The following INVS variants were observed in gnomAD, a reference collection of about 807,000 sequenced individuals.
INVS encodes the protein inversion of embryo turning homolog.
Under a neutral mutation model 108.8 loss-of-function variants are expected in INVS, and 86 were observed. That is an observed-to-expected ratio of 0.79 (90% CI 0.66 to 0.95). INVS has a LOEUF of 0.95. Among genes scored for constraint, INVS ranks in the 40% least tolerant of loss-of-function variants. The probability of loss-of-function intolerance (pLI) is 0.00; values close to 1 mark genes in which losing one functional copy is unlikely to be tolerated. For synonymous variants in INVS, 455 were observed against 473.5 expected (o/e 0.96, Z 0.51); for missense variants, 1,169 against 1,297.4 (o/e 0.90, Z 1.52).
At chr9:100,298,440 C>A (rs1833854726) in intron 16 of INVS, 2 of 549,942 alleles carry the variant, frequency 3.6e-6, no homozygotes, top group Non-Finnish European at 2.3e-6. Flanking sequence ...GCTGTGCGTG[C>A]TTTCCCTCAT....
intron 3 of INVS, among the ~76,000 whole-genome samples, chr9:100,176,586 C>T (rs559440438): frequency 6.6e-6 from 1 of 152,200 alleles, no homozygotes; most frequent in East Asian, 1.9e-4. Flanking sequence ...ATGTGATTCT[C>T]CTGCCTCAGC....
At chr9:100,214,148 A>G (rs1347339251) in intron 3 of INVS, among the ~76,000 whole-genome samples, 5 of 152,216 alleles carry the variant, frequency 3.3e-5, no homozygotes, top group Admixed American at 6.5e-5. Context: ...ATTGGTATCA[A>G]CTATGTCCCT....
At chr9:100,154,403 T>G (rs934278388) in intron 3 of INVS, among the ~76,000 whole-genome samples, 1 of 136,164 alleles carries the variant, frequency 7.3e-6, no homozygotes, top group Non-Finnish European at 1.5e-5. Context: ...AGTCTCAAAC[T>G]TGGGCTCAAG....
At position 100,221,562 on chromosome 9, in the gene INVS, C is replaced by T. The variant is rs553419056; in HGVS notation, c.274-4500C>T. Among the ~76,000 whole-genome samples the T allele has an allele frequency of 4.4e-4, 65 of 148,434 alleles. 1 individual carries two copies. Among genetic ancestry groups the T allele is most frequent in the Admixed American group, 2.5e-3 (38 of 15,050 alleles). ...TTCATAGATAATATCTGATGGGTCT[C>T]TGTCATTTGAAATAGGAGATGCTGG... On this transcript the variant is annotated intron_variant, in intron 3 of 16. Coordinates refer to ENST00000262457, the MANE Select transcript of INVS (RefSeq NM_014425.5).
intron 3 of INVS, among the ~76,000 whole-genome samples, chr9:100,165,857 T>G (rs1829348078): frequency 6.6e-6 from 1 of 152,152 alleles, no homozygotes; most frequent in Non-Finnish European, 1.5e-5. Flanking sequence ...GTTTTAGACC[T>G]GGAATCAGCT....
chr9:100,273,198 C>T (rs1389646410), intron 12 of INVS, 122 bp downstream of exon 12: 1 of 767,336 alleles, frequency 1.3e-6, no homozygotes, highest in African/African-American at 1.7e-5. Context: ...ACTGTTGGTC[C>T]CTGCAACCGG....
chr9:100,142,344 G>C (rs567663517), intron 3 of INVS, among the ~76,000 whole-genome samples: 172 of 152,292 alleles, frequency 1.1e-3, no homozygotes, highest in Non-Finnish European at 2.0e-3. Flanking sequence ...GTAGTGGAGG[G>C]GGGCAGAGCG....
At chr9:100,148,125 G>A (rs1828684379) in intron 3 of INVS, among the ~76,000 whole-genome samples, 1 of 151,934 alleles carries the variant, frequency 6.6e-6, no homozygotes, top group South Asian at 2.1e-4. Flanking sequence ...AGTGAGCTAT[G>A]ATTGTGCCAC....
In INVS at chr9:100,242,547, T is replaced by C. The variant is rs192533062; in HGVS notation, c.797-23T>C. On this transcript the variant is annotated intron_variant, in intron 6 of 16. Coordinates refer to ENST00000262457, the MANE Select transcript of INVS (RefSeq NM_014425.5). ...ATTAACATCCTTTATAAGTGATAATTACCTTTTTGTGTCTTTTCTCAGGCC... is the reference window on the plus strand; with the variant it reads ...ATTAACATCCTTTATAAGTGATAATCACCTTTTTGTGTCTTTTCTCAGGCC... 10 of 1,212,160 alleles carry C rather than the reference T, an allele frequency of 8.2e-6. No homozygotes were observed. The East Asian group carries it at 2.3e-4, about 28-fold the overall frequency. 75.1% of individuals were successfully genotyped at this position (1,212,160 alleles called of 1,614,324 possible).
At chr9:100,241,025 A>G (rs1831854003) in intron 6 of INVS, among the ~76,000 whole-genome samples, 1 of 152,124 alleles carries the variant, frequency 6.6e-6, no homozygotes, top group African/African-American at 2.4e-5. Context: ...ATTGATTCCC[A>G]CCTATTTAAG....
At position 100,301,001 on chromosome 9, in the gene INVS, C is replaced by T. The variant is rs544585836; in HGVS notation, c.*327C>T. ...TAACAGCAAAATCTAAGGAAAACTA[C>T]GGCTGCTGGGTTGGGATTTCTGCCA... On this transcript the variant is annotated 3_prime_UTR_variant, in exon 17 of 17. Transcript: ENST00000262457. 3.5e-5 allele frequency: 11 copies of T among 310,690 alleles called. No individual in the cohort carries two copies. In the East Asian group the frequency reaches 4.6e-4, roughly 13 times the overall value. The allele number at this position is 310,690 out of a possible 1,614,324, so 19.2% of individuals were successfully genotyped here. A position where few individuals can be genotyped will look rare whatever the true frequency, so the allele number is the denominator to read the frequency against.
At chr9:100,210,582 C>CA (rs1351261873) in intron 3 of INVS, among the ~76,000 whole-genome samples, 1 of 152,140 alleles carries the variant, frequency 6.6e-6, no homozygotes, top group Non-Finnish European at 1.5e-5. Flanking sequence ...TTGGGGAAGT[C>CA]ACAAGGAATG....
In INVS at chr9:100,292,919, A is replaced by T. The variant is rs773893211; in HGVS notation, c.2662A>T (p.Ser888Cys). The change falls in exon 14 of 17, where the codon AGT becomes TGT. Residue 888 changes from serine to cysteine, a missense_variant. Physicochemically the swap from Ser to Cys is moderately radical, Grantham distance 112 (BLOSUM62 -1). Transcript: ENST00000262457. ...AGCACCTGGTCCCCTCTCTGGGCAGAGTGTGAATATTGACCTTCTCCCCGT... is the reference window on the plus strand; with the variant it reads ...AGCACCTGGTCCCCTCTCTGGGCAGTGTGTGAATATTGACCTTCTCCCCGT... ...DPAPGPLSGQ[S>C]VNIDLLPVEL... 1.2e-6 allele frequency: 2 copies of T among 1,614,004 alleles called. No homozygotes were observed. The highest frequency in any genetic ancestry group is 1.7e-6 in the Non-Finnish European group (2 of 1,179,860).
At chr9:100,257,912 C>G (rs562925954) in intron 10 of INVS, among the ~76,000 whole-genome samples, 185 of 152,282 alleles carry the variant, frequency 1.2e-3, no homozygotes, top group African/African-American at 4.3e-3. Flanking sequence ...CGAGGAGTAT[C>G]TTTGTGGCAT....
intron 11 of INVS, among the ~76,000 whole-genome samples, chr9:100,271,148 C>A (rs986973942): frequency 1.4e-4 from 22 of 152,282 alleles, no homozygotes; most frequent in African/African-American, 5.3e-4. Flanking sequence ...TTTCCTCCCC[C>A]AGAGGCATCA....
intron 11 of INVS, among the ~76,000 whole-genome samples, chr9:100,269,371 AT>A (rs11352238): frequency 0.18 from 27,019 of 152,028 alleles, 2,828 homozygotes; most frequent in African/African-American, 0.29. Flanking sequence ...TTGTAGCAAA[AT>A]TTTTTTTAAT....
At chr9:100,273,164 G>C in intron 12 of INVS, 88 bp downstream of exon 12, 1 of 951,828 alleles carries the variant, frequency 1.1e-6, no homozygotes, top group Non-Finnish European at 1.7e-6. Flanking sequence ...GGCCAGGAGA[G>C]GGAAACAGAT....
At chr9:100,205,403 T>A (rs1024110176) in intron 3 of INVS, among the ~76,000 whole-genome samples, 1 of 152,120 alleles carries the variant, frequency 6.6e-6, no homozygotes, top group Non-Finnish European at 1.5e-5. Context: ...ATAAAATGTA[T>A]TTGAAAAATA....
In INVS at chr9:100,272,914, A is replaced by G. The variant is rs779026810; in HGVS notation, c.1622A>G (p.Gln541Arg). The G allele has an allele frequency of 1.9e-6, 3 of 1,614,078 alleles. No individual in the cohort carries two copies. The South Asian group carries it at 3.3e-5, about 18-fold the overall frequency. The change falls in exon 12 of 17, where the codon CAG becomes CGG. Residue 541 changes from glutamine to arginine, a missense_variant. Physicochemically the swap from Gln to Arg is conservative, Grantham distance 43. Around this residue, in one of 3 missense-constraint regions of INVS, gnomAD observed 271 missense variants for 363.8 expected, o/e 0.74. Coordinates refer to ENST00000262457, the MANE Select transcript of INVS (RefSeq NM_014425.5). The stretch of plus-strand genomic sequence containing the variant: ...CTTGGTGAGCGCCATGAAGTGATCC[A>G]GTTCATGTTGGAGCACGGTGCCCTG... ...ALLGERHEVIQFMLEHGALSI... is the reference protein window; with the variant it reads ...ALLGERHEVIRFMLEHGALSI...
Sources: gnomAD v4.1 joint callset for allele counts (sites outside exome capture counted in the v4.1 genomes callset) on GRCh38, gnomAD v4.1.1 for gene constraint, gnomAD v4.1.1 regional missense constraint, MANE v1.5 for transcripts, NCBI Gene and HGNC (gene_info 2026-07-23, HGNC 2026-07-21) for gene names.